The following ZNF532 variants were observed in gnomAD, a reference collection of about 807,000 sequenced individuals.
ZNF532 encodes the protein zinc finger protein 532.
ZNF532 carries 22 observed loss-of-function variants against 89.3 expected under a neutral mutation model. The observed-to-expected ratio is 0.25, with a 90% CI of 0.18 to 0.35. ZNF532 has a LOEUF of 0.35. Ranked by LOEUF, ZNF532 falls within the 10% of genes least tolerant of loss-of-function variation. ZNF532 has a pLI of 1.00. For synonymous variants in ZNF532, 606 were observed against 649.6 expected, an observed-to-expected ratio of 0.93 and a Z score of 1.02; for missense variants, 1,132 against 1,643.4, an observed-to-expected ratio of 0.69 and a Z score of 5.38.
chr18:58,939,122 C>T (rs1397077829), intron 4 of ZNF532, among the ~76,000 whole-genome samples: 1 of 151,794 alleles, frequency 6.6e-6, no homozygotes, highest in Non-Finnish European at 1.5e-5. Flanking sequence ...TGGTACACAC[C>T]TGTAATCCCA....
At chr18:58,940,530 C>G (rs141530739) in intron 5 of ZNF532, 4 of 152,110 alleles carry the variant, frequency 2.6e-5, no homozygotes, top group African/African-American at 9.7e-5. Context: ...GCACTGGAGC[C>G]GGTCGGAATC....
rs80187708 is a variant in ZNF532 at position 58,918,542 on chromosome 18, T to G, written c.255T>G (p.Thr85=). 6.2e-7 allele frequency: 1 copy of G among 1,614,056 alleles called. No individual in the cohort carries two copies. The highest frequency in any genetic ancestry group is 8.5e-7 in the Non-Finnish European group (1 of 1,180,038). Residue 85 remains threonine, a synonymous_variant, in exon 3 of 10, where the codon ACT becomes ACG. Transcript: ENST00000591808. The part of the protein sequence containing the change: ...EGGEKDGHNP[T]GNGLHNGFLT... ...GGGAGAAAGACGGCCACAACCCCAC[T>G]GGCAATGGCTTACATAATGGGTTTC...
In ZNF532 at chr18:58,984,208, C is replaced by T; in HGVS notation, c.3648C>T (p.Val1216=). The change falls in exon 10 of 10, where the codon GTC becomes GTT. Residue 1216 remains valine, a synonymous_variant. Transcript: ENST00000591808. ...RECGLCYTSH[V]SLSRHLFIVH... ...GTGGCCTCTGCTACACGTCTCACGT[C>T]TCTCTGTCCAGGCACCTCTTCATCG... 1 of 1,611,938 alleles carries T rather than the reference C, an allele frequency of 6.2e-7. No individual in the cohort carries two copies. Among genetic ancestry groups the T allele is most frequent in the Non-Finnish European group, 8.5e-7 (1 of 1,179,860 alleles).
intron 2 of ZNF532, among the ~76,000 whole-genome samples, chr18:58,867,205 C>A (rs769555245): frequency 6.6e-6 from 1 of 151,984 alleles, no homozygotes; most frequent in African/African-American, 2.4e-5. Context: ...CCCCTTGCCA[C>A]GGCTATACAG....
intron 7 of ZNF532, among the ~76,000 whole-genome samples, chr18:58,962,078 T>C (rs2065400422): frequency 6.6e-6 from 1 of 151,908 alleles, no homozygotes. Context: ...ATACAAAAAT[T>C]AGCTGGGCAT....
In ZNF532 at chr18:58,903,921, G is replaced by T. The variant is rs565156251; in HGVS notation, c.-17-14350G>T. On this transcript the variant is annotated intron_variant, in intron 2 of 9. Coordinates refer to ENST00000591808, the MANE Select transcript of ZNF532 (RefSeq NM_001375912.1). The stretch of plus-strand genomic sequence containing the variant: ...GTGCATTTATAGATTGCCCTTTAGA[G>T]ATTTAAGAAATTTAAGAAAATTTCA... 8.7e-4 allele frequency among the ~76,000 whole-genome samples: 133 copies of T among 152,316 alleles called. 1 individual carries two copies. The highest frequency in any genetic ancestry group is 3.0e-3 in the African/African-American group (124 of 41,566).
chr18:58,951,488 C>G (rs1227346800), intron 6 of ZNF532, among the ~76,000 whole-genome samples: 2 of 152,064 alleles, frequency 1.3e-5, no homozygotes, highest in African/African-American at 2.4e-5. Flanking sequence ...AACTTAGCTT[C>G]TCTTTTGACA....
chr18:58,957,868 C>A (rs773987357), intron 7 of ZNF532, among the ~76,000 whole-genome samples: 2 of 152,038 alleles, frequency 1.3e-5, no homozygotes, highest in Non-Finnish European at 2.9e-5. Context: ...GTTCGAGACC[C>A]CCCCTGGCCA....
intron 4 of ZNF532, among the ~76,000 whole-genome samples, chr18:58,936,911 A>G (rs1188229934): frequency 6.6e-6 from 1 of 152,070 alleles, no homozygotes; most frequent in African/African-American, 2.4e-5. Flanking sequence ...AGATGAGTCT[A>G]ATGTAGCAGC....
chr18:58,880,192 A>T (rs185655902), intron 2 of ZNF532, among the ~76,000 whole-genome samples: 1 of 152,314 alleles, frequency 6.6e-6, no homozygotes, highest in Admixed American at 6.5e-5. Context: ...CTCGATAGAC[A>T]CTTGTTTGTT....
chr18:58,959,739 C>G (rs1234063586), intron 7 of ZNF532, among the ~76,000 whole-genome samples: 5 of 152,132 alleles, frequency 3.3e-5, no homozygotes, highest in African/African-American at 1.2e-4. Context: ...AAATATTTAC[C>G]ACCTAAGAGT....
chr18:58,866,691 G>A (rs2056493297), intron 2 of ZNF532, among the ~76,000 whole-genome samples: 1 of 152,216 alleles, frequency 6.6e-6, no homozygotes, highest in Non-Finnish European at 1.5e-5. Flanking sequence ...TAAGTTGTGT[G>A]CTGGCAGTTG....
intron 5 of ZNF532, chr18:58,939,825 C>A: frequency 2.4e-6 from 1 of 419,904 alleles, no homozygotes; most frequent in Non-Finnish European, 4.2e-6. Flanking sequence ...AAAAACGTTA[C>A]CTATTATTTA....
Position 58,904,838 on chromosome 18 carries a change from C to CT in ZNF532, c.-17-13417dup, listed in dbSNP as rs532227361. On this transcript the variant is annotated intron_variant, in intron 2 of 9. Transcript: ENST00000591808. ...CAAACTTTTGAAATTCTATTTCTTT[C>CT]TTTTTTTTTTTTTTTTGGTTGAGAC... is the stretch of plus-strand genomic sequence containing the variant. Among the ~76,000 whole-genome samples the CT allele has an allele frequency of 8.3e-3, 1,125 of 135,148 alleles. 9 individuals carry two copies. Among genetic ancestry groups the CT allele is most frequent in the African/African-American group, 0.02 (742 of 36,984 alleles). 88.7% of individuals were successfully genotyped at this position (135,148 alleles called of 152,430 possible).
chr18:58,979,219 T>C (rs1302028859), intron 8 of ZNF532, 52 bp downstream of exon 8: 1 of 1,484,390 alleles, frequency 6.7e-7, no homozygotes, highest in Admixed American at 1.7e-5. Flanking sequence ...GAGGAACCTC[T>C]GGAAGGTTTT....
At chr18:58,953,457 C>T (rs960212162) in intron 6 of ZNF532, 61 bp from the exon 7 acceptor site, 96 of 1,432,926 alleles carry the variant, frequency 6.7e-5, no homozygotes, top group Non-Finnish European at 8.6e-5. Flanking sequence ...AGATAGCATA[C>T]TTGTGCTTTC....
intron 2 of ZNF532, chr18:58,916,767 T>G: frequency 1.0e-6 from 1 of 983,906 alleles, no homozygotes; most frequent in African/African-American, 1.7e-5. Flanking sequence ...TGTTGATAGA[T>G]TTGTGGTGTA....
chr18:58,979,783 T>C (rs2067514173), intron 8 of ZNF532: 2 of 152,452 alleles, frequency 1.3e-5, no homozygotes, highest in Admixed American at 1.3e-4. Context: ...GGCTAGCTTG[T>C]TTACTCAGGG....
intron 2 of ZNF532, among the ~76,000 whole-genome samples, chr18:58,874,489 C>T (rs1456102088): frequency 6.6e-6 from 1 of 152,096 alleles, no homozygotes; most frequent in African/African-American, 2.4e-5. Flanking sequence ...GGGTTACAGG[C>T]GCCCACCACC....
Sources: allele counts gnomAD v4.1 joint callset (sites outside exome capture counted in the v4.1 genomes callset), GRCh38; gene constraint gnomAD v4.1.1; transcripts MANE v1.5; gene names NCBI Gene and HGNC (gene_info 2026-07-23, HGNC 2026-07-21).